The following CCDC33 variants were observed in gnomAD, a reference collection of about 807,000 sequenced individuals.
CCDC33 encodes the protein coiled-coil domain-containing protein 33.
CCDC33 carries 94 observed loss-of-function variants against 91.9 expected under a neutral mutation model. That is an observed-to-expected ratio of 1.02 (90% CI 0.87 to 1.21). The LOEUF (loss-of-function observed/expected upper bound fraction) is 1.21, where lower values mean the gene tolerates loss of function less well. Among genes scored for constraint, CCDC33 ranks in the 50% most tolerant of loss-of-function variants. CCDC33 has a pLI of 0.00. For missense variants in CCDC33, 940 were observed against 935.5 expected (o/e 1.00, Z -0.06); for synonymous variants, 396 against 374.5 (o/e 1.06, Z -0.66).
intron 11 of CCDC33, among the ~76,000 whole-genome samples, chr15:74,309,069 CTA>C (rs2059944467): frequency 6.6e-6 from 1 of 152,072 alleles, no homozygotes; most frequent in South Asian, 2.1e-4. Context: ...GCCCTCCTGC[CTA>C]CCTCAGCCTT....
chr15:74,306,042 CGTT>C (rs1567018849), intron 11 of CCDC33, among the ~76,000 whole-genome samples: 1 of 152,156 alleles, frequency 6.6e-6, no homozygotes, highest in African/African-American at 2.4e-5. Context: ...TATTAATAGT[CGTT>C]GTGTTCATGG....
At chr15:74,233,496 A>C (rs189372242), upstream of CCDC33, among the ~76,000 whole-genome samples, 1 of 152,346 alleles carries the variant, frequency 6.6e-6, no homozygotes, top group East Asian at 1.9e-4. Flanking sequence ...GCTCAGCCTC[A>C]GGAGTTTCTG....
At chr15:74,331,409 TCA>T in intron 15 of CCDC33, 113 bp downstream of exon 15, 2 of 1,043,188 alleles carry the variant, frequency 1.9e-6, no homozygotes, top group Non-Finnish European at 2.8e-6. Context: ...TCCCCTGCAC[TCA>T]GTTATGTCTG....
chr15:74,239,794 AC>A (rs2075288239), intron 1 of CCDC33, among the ~76,000 whole-genome samples: 1 of 151,118 alleles, frequency 6.6e-6, no homozygotes, highest in South Asian at 2.1e-4. Context: ...GGCTCACCAC[AC>A]CCCTACAGAT....
intron 11 of CCDC33, among the ~76,000 whole-genome samples, chr15:74,308,494 G>T (rs183167608): frequency 3.3e-5 from 5 of 152,134 alleles, no homozygotes; most frequent in African/African-American, 1.2e-4. Context: ...CAGAGCTGCC[G>T]TCCCCTCCTT....
rs1194989601 is a variant in CCDC33 at position 74,244,590 on chromosome 15, C to T, written c.185+442C>T. Among the ~76,000 whole-genome samples the T allele has an allele frequency of 6.6e-6, 1 of 152,028 alleles. No individual in the cohort carries two copies. Among genetic ancestry groups the T allele is most frequent in the Non-Finnish European group, 1.5e-5 (1 of 67,988 alleles). On this transcript the variant is annotated intron_variant, in intron 2 of 18. Transcript: ENST00000398814. The surrounding 1 kb of genome is among the most constrained non-coding windows in gnomAD (Gnocchi z 4.2). ...ATAACCACCCTCCCCTCCTCCCCTC[C>T]TTCTCCAGTCACTTCTATTATGGGG...
rs76227106 is a variant in CCDC33, at chr15:74,272,504, G to C, written c.639-267G>C. Among the ~76,000 whole-genome samples the C allele has an allele frequency of 8.3e-3, 1,259 of 152,304 alleles. 18 individuals are homozygous for C. Among genetic ancestry groups the C allele is most frequent in the African/African-American group, 0.029 (1,208 of 41,564 alleles). On this transcript the variant is annotated intron_variant, in intron 6 of 18. Transcript: ENST00000398814. ...GTCTTGGTCACTTCCAACTGGCCCT[G>C]ATGGCCCAAGATGACTCCCCTACTT...
intron 8 of CCDC33, 22 bp downstream of exon 8, chr15:74,280,114 G>C (rs779216280): frequency 6.2e-7 from 1 of 1,612,702 alleles, no homozygotes; most frequent in Non-Finnish European, 8.5e-7. Flanking sequence ...CTGGTGCCTC[G>C]CCAGGGCAGC....
chr15:74,271,786 G>A lies in CCDC33; in HGVS notation c.630G>A (p.Lys210=). 6.2e-7 allele frequency: 1 copy of A among 1,613,792 alleles called. No homozygotes were observed. Among genetic ancestry groups the A allele is most frequent in the South Asian group, 1.1e-5 (1 of 91,062 alleles). The change falls in exon 6 of 19, where the codon AAG becomes AAA. Residue 210 remains lysine, a synonymous_variant. Transcript: ENST00000398814. The stretch of plus-strand genomic sequence containing the variant: ...TTGCCCGGGTCGTTCCCAACTACAA[G>A]GAATTTAAGTGAGTGGGGCCCAGGT... ...VVIARVVPNY[K]EFKVSQANRD...
chr15:74,220,209 A>G (rs1411574716), intron 2 of CCDC33, among the ~76,000 whole-genome samples: 1 of 152,224 alleles, frequency 6.6e-6, no homozygotes, highest in Non-Finnish European at 1.5e-5. Flanking sequence ...AGGATGACCA[A>G]GGACGCAGGG....
At chr15:74,275,229 A>G (rs77284159) in intron 7 of CCDC33, among the ~76,000 whole-genome samples, 9,433 of 152,262 alleles carry the variant, frequency 0.062, 455 homozygotes, top group African/African-American at 0.14. Context: ...CCAGCTCTGT[A>G]ACTTACTGGC....
At chr15:74,332,910 AC>A in intron 16 of CCDC33, 65 bp downstream of exon 16, 1 of 1,562,216 alleles carries the variant, frequency 6.4e-7, no homozygotes, top group Non-Finnish European at 8.7e-7. Context: ...CACCCATGGT[AC>A]AACCCAAGTT....
chr15:74,311,582 C>G (rs1596091927), intron 11 of CCDC33: 2 of 152,252 alleles, frequency 1.3e-5, no homozygotes, highest in East Asian at 3.9e-4. Flanking sequence ...TGCGGGGCAT[C>G]CCAGAAAGAG....
intron 1 of CCDC33, chr15:74,209,229 C>G (rs2074330086): frequency 3.5e-6 from 4 of 1,128,024 alleles, no homozygotes; most frequent in Middle Eastern, 2.0e-4. Context: ...CTCCACACCC[C>G]CAAACCGTTT....
At chr15:74,237,973 C>T (rs550356614) in intron 1 of CCDC33, among the ~76,000 whole-genome samples, 4 of 151,986 alleles carry the variant, frequency 2.6e-5, no homozygotes, top group Admixed American at 2.6e-4. Context: ...ACTAAAAATA[C>T]AAAAATTAGC....
Position 74,271,729 on chromosome 15 carries a change from C to T in CCDC33, c.573C>T (p.Pro191=). The part of the protein sequence containing the change: ...LEIFLRGVNE[P]LANNPNPIVV... ...TCTTTCTCCGGGGAGTCAACGAGCC[C>T]CTGGCCAACAACCCCAACCCCATAG... The change falls in exon 6 of 19, where the codon CCC becomes CCT. Residue 191 remains proline (P), a synonymous_variant. Transcript: ENST00000398814. 2 of 1,613,696 alleles carry T rather than the reference C, an allele frequency of 1.2e-6. No homozygotes were observed. Among genetic ancestry groups the T allele is most frequent in the East Asian group, 4.5e-5 (2 of 44,864 alleles).
At chr15:74,325,140 TG>T (rs1350260950) in intron 11 of CCDC33, among the ~76,000 whole-genome samples, 2 of 151,940 alleles carry the variant, frequency 1.3e-5, no homozygotes, top group Non-Finnish European at 2.9e-5. Flanking sequence ...CTCCCTGCTC[TG>T]GGCCTCCATT....
exon 1 of CCDC33, chr15:74,217,544 C>T (rs866746754): frequency 7.9e-7 from 1 of 1,266,870 alleles, no homozygotes; most frequent in Non-Finnish European, 1.0e-6. Flanking sequence ...AGAGCCTCAC[C>T]CTCACCAGGA....
At position 74,236,568 on chromosome 15, in the gene CCDC33, C is replaced by T. The variant is rs2075164240; in HGVS notation, c.-152C>T. 1 of 501,044 alleles carries T rather than the reference C, an allele frequency of 2.0e-6. No individual in the cohort carries two copies. Among genetic ancestry groups the T allele is most frequent in the East Asian group, 3.5e-5 (1 of 28,400 alleles). The allele number at this position is 501,044 out of a possible 1,614,324, so 31.0% of individuals were successfully genotyped here. ...GGGCTGGTGTGTGGCACCCCTGAGA[C>T]CACATTGACCTCCATACTGTCTACT... On this transcript the variant is annotated 5_prime_UTR_variant, in exon 1 of 19. Transcript: ENST00000398814.
Sources: allele counts gnomAD v4.1 joint callset (sites outside exome capture counted in the v4.1 genomes callset), GRCh38; gene constraint gnomAD v4.1.1; non-coding constraint Gnocchi (gnomAD v3.1); transcripts MANE v1.5; gene names NCBI Gene and HGNC (gene_info 2026-07-23, HGNC 2026-07-21).